The following EML6 variants were observed in gnomAD, a reference collection of about 807,000 sequenced individuals.
EML6 encodes the protein echinoderm microtubule-associated protein-like 6.
EML6 carries 154 observed loss-of-function variants against 240.1 expected under a neutral mutation model. That is an observed-to-expected ratio of 0.64 (90% CI 0.56 to 0.73). The LOEUF (loss-of-function observed/expected upper bound fraction) is 0.73, where lower values mean the gene tolerates loss of function less well. EML6 is among the 30% of genes least tolerant of loss of function. The pLI, the probability that EML6 is intolerant of heterozygous loss-of-function variation, is 0.00. For synonymous variants in EML6, 1,148 were observed against 899.0 expected, an observed-to-expected ratio of 1.28 and a Z score of -4.95; for missense variants, 2,964 against 2,474.6, an observed-to-expected ratio of 1.20 and a Z score of -4.20.
intron 2 of EML6, among the ~76,000 whole-genome samples, chr2:54,743,436 C>G (rs1447284971): frequency 1.3e-5 from 2 of 152,238 alleles, no homozygotes; most frequent in Admixed American, 6.5e-5. Flanking sequence ...CTGTATATAT[C>G]TATTATTTTC....
chr2:54,845,550 AGTCATAATTTCTTG>A, intron 8 of EML6, among the ~76,000 whole-genome samples: 1 of 152,228 alleles, frequency 6.6e-6, no homozygotes, highest in East Asian at 1.9e-4. Context: ...GAAGGCTAAA[AGTCATAATTTCTTG>A]AGAAAGATGA....
intron 16 of EML6, among the ~76,000 whole-genome samples, chr2:54,876,415 C>CT (rs917209614): frequency 1.3e-5 from 2 of 152,076 alleles, no homozygotes; most frequent in Admixed American, 6.6e-5. Context: ...ATCAGAATAC[C>CT]TTTTTTTGGT....
At chr2:54,924,949 T>C (rs942884121) in intron 26 of EML6, among the ~76,000 whole-genome samples, 3 of 152,234 alleles carry the variant, frequency 2.0e-5, no homozygotes, top group Non-Finnish European at 2.9e-5. Flanking sequence ...TCCAGCTGTA[T>C]AGTCACACTT....
At chr2:54,920,770 A>G (rs1468751371) in intron 26 of EML6, among the ~76,000 whole-genome samples, 1 of 152,166 alleles carries the variant, frequency 6.6e-6, no homozygotes, top group Non-Finnish European at 1.5e-5. Context: ...ACAAAATACT[A>G]CAAACCAAAT....
Position 54,928,234 on chromosome 2 carries a change from G to C in EML6, c.3676-79G>C. On this transcript the variant is annotated intron_variant, in intron 26 of 41. Transcript: ENST00000356458. Reference sequence around the variant, plus strand: ...TGTTGAACTGTTTCCTTTGTATCCAGTAGAAACTAACATGGATAAACGAGC... The same window carrying C: ...TGTTGAACTGTTTCCTTTGTATCCACTAGAAACTAACATGGATAAACGAGC... 3 of 1,105,680 alleles carry C rather than the reference G, an allele frequency of 2.7e-6. No homozygotes were observed. The East Asian group carries it at 7.7e-5, about 28-fold the overall frequency. 68.5% of individuals were successfully genotyped at this position (1,105,680 alleles called of 1,614,324 possible).
intron 25 of EML6, among the ~76,000 whole-genome samples, chr2:54,916,069 T>C (rs1275978496): frequency 6.6e-6 from 1 of 152,232 alleles, no homozygotes; most frequent in Non-Finnish European, 1.5e-5. Flanking sequence ...AAAAGATTCA[T>C]GGCAATAGAA....
At chr2:54,848,016 C>G (rs1475051053) in intron 9 of EML6, among the ~76,000 whole-genome samples, 2 of 152,068 alleles carry the variant, frequency 1.3e-5, no homozygotes, top group Non-Finnish European at 2.9e-5. Flanking sequence ...AATGAATTCC[C>G]AAGCACATCT....
intron 7 of EML6, 90 bp from the exon 8 acceptor site, chr2:54,843,957 T>C (rs78418081): frequency 8.8e-6 from 9 of 1,025,642 alleles, no homozygotes; most frequent in South Asian, 4.3e-5. Flanking sequence ...GCATTTACTT[T>C]AGGGTTTTGT....
At chr2:54,967,151 T>C in intron 39 of EML6, 48 bp downstream of exon 39, 8 of 1,229,090 alleles carry the variant, frequency 6.5e-6, no homozygotes, top group African/African-American at 1.5e-5. Context: ...CAAGGGAGTC[T>C]CTTGTCTCAC....
At chr2:54,789,205 G>T (rs1669258034) in intron 2 of EML6, among the ~76,000 whole-genome samples, 1 of 152,112 alleles carries the variant, frequency 6.6e-6, no homozygotes, top group African/African-American at 2.4e-5. Flanking sequence ...AAGTGTTATG[G>T]TGACCTTTAG....
chr2:54,821,346 G>A (rs1668326888), intron 5 of EML6, among the ~76,000 whole-genome samples: 1 of 152,140 alleles, frequency 6.6e-6, no homozygotes, highest in South Asian at 2.1e-4. Context: ...AAATATGGAA[G>A]ACTTACCTAA....
In EML6 at chr2:54,964,643, G is replaced by C. The variant is rs1676671252; in HGVS notation, c.5403G>C (p.Gln1801His). The change falls in exon 38 of 42, where the codon CAG becomes CAC. Residue 1801 changes from glutamine to histidine, a missense_variant. Gln to His is a conservative substitution (Grantham distance 24). Transcript: ENST00000356458. ...EHTVDFYDLTQGTNLNRIGYC... is the reference protein window; with the variant it reads ...EHTVDFYDLTHGTNLNRIGYC... Reference sequence around the variant, plus strand: ...CAGTTGACTTCTATGACCTCACTCAGGGCACAAATCTGAACCGCATTGGCT... The same window carrying C: ...CAGTTGACTTCTATGACCTCACTCACGGCACAAATCTGAACCGCATTGGCT... The C allele has an allele frequency of 1.3e-6, 2 of 1,552,376 alleles. No individual in the cohort carries two copies. Among genetic ancestry groups the C allele is most frequent in the Non-Finnish European group, 1.7e-6 (2 of 1,147,126 alleles).
chr2:54,760,961 G>GT (rs900929059), intron 2 of EML6, among the ~76,000 whole-genome samples: 1 of 151,262 alleles, frequency 6.6e-6, no homozygotes, highest in Non-Finnish European at 1.5e-5. Flanking sequence ...GACCAATAAT[G>GT]TTTTTATTAA....
intron 2 of EML6, among the ~76,000 whole-genome samples, chr2:54,764,173 T>A (rs1668089114): frequency 6.6e-6 from 1 of 152,238 alleles, no homozygotes; most frequent in Non-Finnish European, 1.5e-5. Flanking sequence ...TTTAGAAAGG[T>A]TATAGACAGC....
At chr2:54,805,865 A>T (rs906846816) in intron 2 of EML6, among the ~76,000 whole-genome samples, 1 of 152,110 alleles carries the variant, frequency 6.6e-6, no homozygotes, top group South Asian at 2.1e-4. Context: ...TTTTTTCCAT[A>T]TGGATACCTA....
In EML6 at chr2:54,756,847, G is replaced by T. The variant is rs189708637; in HGVS notation, c.197+31589G>T. Among the ~76,000 whole-genome samples, 4 of 151,976 alleles carry T rather than the reference G, an allele frequency of 2.6e-5. No homozygotes were observed. In the East Asian group the frequency reaches 7.7e-4, roughly 29 times the overall value. ...TCAACCTACAAACTCCTGAGTCTCA[G>T]TTCTGGAATGTTTTCTTGCCTTCCT... On this transcript the variant is annotated intron_variant, in intron 2 of 41. Coordinates refer to ENST00000356458, the MANE Select transcript of EML6 (RefSeq NM_001039753.4).
At chr2:54,890,436 T>C (rs1414135665) in intron 17 of EML6, among the ~76,000 whole-genome samples, 1 of 152,188 alleles carries the variant, frequency 6.6e-6, no homozygotes, top group African/African-American at 2.4e-5. Context: ...AGGTCTACAA[T>C]GGAACTTTGC....
chr2:54,932,176 C>T (rs1319478886), intron 28 of EML6, among the ~76,000 whole-genome samples: 3 of 152,190 alleles, frequency 2.0e-5, no homozygotes, highest in African/African-American at 7.2e-5. Context: ...TGGGCTACAC[C>T]TACCAGATAT....
At chr2:54,926,415 T>C (rs1674549458) in intron 26 of EML6, among the ~76,000 whole-genome samples, 1 of 152,252 alleles carries the variant, frequency 6.6e-6, no homozygotes, top group Admixed American at 6.5e-5. Context: ...TTCCAGGTTT[T>C]TCTGGTGCTA....
Sources: gnomAD v4.1 joint callset for allele counts (sites outside exome capture counted in the v4.1 genomes callset) on GRCh38, gnomAD v4.1.1 for gene constraint, MANE v1.5 for transcripts, NCBI Gene and HGNC (gene_info 2026-07-23, HGNC 2026-07-21) for gene names.